The following TJP1 variants were observed in gnomAD, a reference collection of about 807,000 sequenced individuals.
TJP1 encodes the protein tight junction protein 1, also known as tight junction protein ZO-1.
A neutral mutation model predicts 194.2 loss-of-function variants in TJP1; 43 were observed. The ratio of observed to expected loss-of-function variants is 0.22; its 90% CI spans 0.17 to 0.29. The LOEUF is 0.29. Among genes scored for constraint, TJP1 ranks in the 10% least tolerant of loss-of-function variants. The pLI, the probability that TJP1 is intolerant of heterozygous loss-of-function variation, is 1.00. For missense variants in TJP1, 1,971 were observed against 2,185.7 expected, an observed-to-expected ratio of 0.90 and a Z score of 1.96; for synonymous variants, 801 against 779.0, an observed-to-expected ratio of 1.03 and a Z score of -0.47.
chr15:29,777,462 CTACT>C (rs1165056173), intron 2 of TJP1, among the ~76,000 whole-genome samples: 1 of 151,864 alleles, frequency 6.6e-6, no homozygotes, highest in Non-Finnish European at 1.5e-5. Flanking sequence ...ATATTAAGAA[CTACT>C]TAAACATGAA....
At chr15:29,915,821 T>C (rs1241459191) in intron 2 of TJP1, among the ~76,000 whole-genome samples, 1 of 152,214 alleles carries the variant, frequency 6.6e-6, no homozygotes, top group Non-Finnish European at 1.5e-5. Flanking sequence ...TTTTGGTATA[T>C]GGCAATGTAA....
chr15:29,717,761 G>A (rs1222413950), intron 22 of TJP1, among the ~76,000 whole-genome samples: 1 of 152,124 alleles, frequency 6.6e-6, no homozygotes, highest in East Asian at 1.9e-4. Context: ...GCTTAAAAAT[G>A]TTTATTTAAT....
At chr15:29,881,555 G>A (rs1048302026) in intron 2 of TJP1, among the ~76,000 whole-genome samples, 3 of 152,220 alleles carry the variant, frequency 2.0e-5, no homozygotes, top group African/African-American at 4.8e-5. Context: ...TTATTCTTTC[G>A]CCTGGTTTCC....
chr15:29,756,482 C>A (rs911842954), intron 8 of TJP1, among the ~76,000 whole-genome samples: 8 of 152,132 alleles, frequency 5.3e-5, no homozygotes, highest in Non-Finnish European at 1.0e-4. Context: ...GAATGGGTTT[C>A]CAATAAAACT....
At chr15:29,881,441 T>C (rs2052925096) in intron 2 of TJP1, among the ~76,000 whole-genome samples, 1 of 152,180 alleles carries the variant, frequency 6.6e-6, no homozygotes, top group African/African-American at 2.4e-5. Flanking sequence ...ATGTGTCCCT[T>C]TTGGAGACAG....
intron 10 of TJP1, among the ~76,000 whole-genome samples, chr15:29,740,085 T>G (rs1184404088): frequency 1.3e-5 from 2 of 151,898 alleles, no homozygotes; most frequent in Non-Finnish European, 2.9e-5. Flanking sequence ...CCTCCTGGGT[T>G]CACGCCATTC....
intron 2 of TJP1, among the ~76,000 whole-genome samples, chr15:29,871,391 C>T (rs933408468): frequency 1.3e-5 from 2 of 152,250 alleles, no homozygotes; most frequent in African/African-American, 2.4e-5. Flanking sequence ...CAGCTCCCCT[C>T]ACTCCCACCA....
intron 1 of TJP1, among the ~76,000 whole-genome samples, chr15:29,962,660 C>G (rs2152322493): frequency 6.6e-6 from 1 of 152,298 alleles, no homozygotes; most frequent in East Asian, 1.9e-4. Flanking sequence ...AGAAGGGCAG[C>G]TGGCTTTAAA....
Position 29,705,679 on chromosome 15 carries a change from T to C in TJP1, c.4917A>G (p.Ile1639Met), listed in dbSNP as rs2041851000. Residue 1639 changes from isoleucine (I) to methionine (M), a missense_variant, in exon 26 of 28, where the codon ATA (isoleucine) becomes ATG (methionine). Ile to Met is a conservative substitution (Grantham distance 10, BLOSUM62 1). Coordinates refer to ENST00000614355, the MANE Select transcript of TJP1 (RefSeq NM_001330239.4). The stretch of plus-strand genomic sequence containing the variant: ...TCAGCACGCCCCCATTGCTGTTAAA[T>C]ATGCCTCGGGCTGTGGCCACCACAG... ...GHTVVATARG[I>M]FNSNGGVLSS... The C allele has an allele frequency of 5.0e-6, 8 of 1,614,068 alleles. No individual in the cohort carries two copies. The highest frequency in any genetic ancestry group is 5.9e-6 in the Non-Finnish European group (7 of 1,180,048).
intron 1 of TJP1, among the ~76,000 whole-genome samples, chr15:29,812,086 A>G (rs1243530157): frequency 2.6e-5 from 4 of 152,184 alleles, no homozygotes; most frequent in Non-Finnish European, 5.9e-5. Context: ...TTACATTTGC[A>G]TTTTGTGTAC....
At chr15:29,818,771 C>T (rs2050117606) in intron 1 of TJP1, among the ~76,000 whole-genome samples, 1 of 148,938 alleles carries the variant, frequency 6.7e-6, no homozygotes, top group Non-Finnish European at 1.5e-5. Context: ...CCCTCCTGGC[C>T]TCACAAAGTG....
chr15:29,821,853 G>C (rs1361259330), intron 1 of TJP1, 149 bp downstream of exon 1: 1 of 745,072 alleles, frequency 1.3e-6, no homozygotes, highest in Non-Finnish European at 1.6e-6. Flanking sequence ...CGCGGCCCGC[G>C]GCCCGCGGCC....
In TJP1 at chr15:29,950,170, CACT is replaced by C. The variant is rs1482621950; in HGVS notation, c.306+6059_306+6061del. The stretch of plus-strand genomic sequence containing the variant: ...CCACCACCTCCACCACCACCACAAC[CACT>C]ACCTCCACCTCCACCACCACCACCA... On this transcript the variant is annotated intron_variant, in intron 2 of 28. Coordinates refer to the TJP1 transcript ENST00000356107. Among the ~76,000 whole-genome samples the C allele has an allele frequency of 1.8e-4, 21 of 115,196 alleles. 1 individual carries two copies. The highest frequency in any genetic ancestry group is 6.1e-4 in the African/African-American group (19 of 31,178). 75.6% of individuals were successfully genotyped at this position (115,196 alleles called of 152,430 possible).
At chr15:29,871,817 A>G (rs1330722375) in intron 2 of TJP1, among the ~76,000 whole-genome samples, 2 of 152,274 alleles carry the variant, frequency 1.3e-5, no homozygotes, top group Non-Finnish European at 2.9e-5. Context: ...AAAGCAACAG[A>G]TAACTGAACC....
chr15:29,862,303 T>G (rs1410780413), intron 2 of TJP1, among the ~76,000 whole-genome samples: 1 of 152,186 alleles, frequency 6.6e-6, no homozygotes, highest in East Asian at 1.9e-4. Flanking sequence ...CTTCAGAATT[T>G]CTAAGTCCAG....
intron 2 of TJP1, among the ~76,000 whole-genome samples, chr15:29,788,184 G>C (rs1445804558): frequency 6.6e-6 from 1 of 152,072 alleles, no homozygotes; most frequent in Non-Finnish European, 1.5e-5. Flanking sequence ...AGTTATAAAA[G>C]TTCTTTATAT....
chr15:29,788,543 G>C (rs2047856324), intron 2 of TJP1, among the ~76,000 whole-genome samples: 1 of 152,078 alleles, frequency 6.6e-6, no homozygotes, highest in Non-Finnish European at 1.5e-5. Context: ...CAGCTGTCCT[G>C]GGTCTGTTAA....
At chr15:29,952,320 G>A (rs2055779266) in intron 2 of TJP1, among the ~76,000 whole-genome samples, 1 of 152,176 alleles carries the variant, frequency 6.6e-6, no homozygotes, top group Admixed American at 6.5e-5. Flanking sequence ...AAGGAACCAG[G>A]GAGACTGGAT....
rs551032632 is a variant in TJP1, at chr15:29,952,913, T to C, written c.306+3319A>G. ...AGGTACTTCCTAAAGGAAATAAAGA[T>C]TTCTATTCCTATGTAATTAGAAGTC... On this transcript the variant is annotated intron_variant, in intron 2 of 28. Transcript: ENST00000356107. 3.3e-5 allele frequency among the ~76,000 whole-genome samples: 5 copies of C among 152,262 alleles called. No homozygotes were observed. In the South Asian group the frequency reaches 1.0e-3, roughly 32 times the overall value.
Sources: allele counts gnomAD v4.1 joint callset (sites outside exome capture counted in the v4.1 genomes callset), GRCh38; gene constraint gnomAD v4.1.1; transcripts MANE v1.5; gene names NCBI Gene and HGNC (gene_info 2026-07-23, HGNC 2026-07-21).